Variants in PDE10A observed in about 807,000 individuals in gnomAD.
The protein encoded by PDE10A is cAMP and cAMP-inhibited cGMP 3',5'-cyclic phosphodiesterase 10A.
Under a neutral mutation model 97.7 loss-of-function variants are expected in PDE10A, and 39 were observed. That is an observed-to-expected ratio of 0.40 (90% CI 0.31 to 0.52). PDE10A has a LOEUF of 0.52. Ranked by LOEUF, PDE10A falls within the 20% of genes least tolerant of loss-of-function variation. The pLI, the probability that PDE10A is intolerant of heterozygous loss-of-function variation, is 0.56. For synonymous variants in PDE10A, 371 were observed against 376.8 expected (o/e 0.98, Z 0.18); for missense variants, 731 against 1,047.8 (o/e 0.70, Z 4.17).
chr6:165,418,792 C>A lies in PDE10A; in HGVS notation c.1654-15G>T. The A allele has an allele frequency of 6.2e-7, 1 of 1,607,944 alleles. No individual in the cohort carries two copies. The highest frequency in any genetic ancestry group is 1.1e-5 in the South Asian group (1 of 90,532). ...TTTGCATATATCTAAAGACAAATGA[C>A]AAAATAAGAGGAAGACAATGAGACA... On this transcript the variant is annotated splice_polypyrimidine_tract_variant and intron_variant, in intron 10 of 21. Coordinates refer to ENST00000539869, the MANE Select transcript of PDE10A (RefSeq NM_001385079.1). This position sits in a 1 kb window ranked among gnomAD's most constrained non-coding sequence, Gnocchi z 4.8.
intron 1 of PDE10A, among the ~76,000 whole-genome samples, chr6:165,750,833 G>T (rs560648379): frequency 6.6e-6 from 1 of 152,274 alleles, no homozygotes. Flanking sequence ...TGAGGAGCAT[G>T]GAGAAACAGA....
chr6:165,335,994 C>A, intron 21 of PDE10A, 129 bp downstream of exon 21: 1 of 764,232 alleles, frequency 1.3e-6, no homozygotes. Context: ...GGCCCCGAGT[C>A]CCTGAGCACA....
At chr6:165,657,291 T>C (rs1449259242) in intron 1 of PDE10A, among the ~76,000 whole-genome samples, 1 of 152,236 alleles carries the variant, frequency 6.6e-6, no homozygotes, top group Non-Finnish European at 1.5e-5. Flanking sequence ...AGATTATGAG[T>C]TCCTCTGTCA....
chr6:165,466,740 C>T (rs542118013), intron 3 of PDE10A, among the ~76,000 whole-genome samples: 5 of 152,076 alleles, frequency 3.3e-5, no homozygotes, highest in African/African-American at 1.2e-4. Context: ...AATCCTGAGA[C>T]AAAACAATGT....
intron 1 of PDE10A, among the ~76,000 whole-genome samples, chr6:165,736,128 A>G (rs1792568963): frequency 2.0e-5 from 3 of 152,222 alleles, no homozygotes; most frequent in South Asian, 4.1e-4. Flanking sequence ...GATGTTCTTT[A>G]GTTACATAGA....
At chr6:165,491,780 C>CTTT (rs1421159249) in intron 2 of PDE10A, among the ~76,000 whole-genome samples, 10 of 151,924 alleles carry the variant, frequency 6.6e-5, no homozygotes, top group African/African-American at 2.4e-4. Context: ...GGTAGACAAT[C>CTTT]TAAGGTCACA....
intron 1 of PDE10A, among the ~76,000 whole-genome samples, chr6:165,620,330 G>A (rs780583836): frequency 5.3e-5 from 8 of 152,246 alleles, no homozygotes; most frequent in Admixed American, 6.5e-5. Flanking sequence ...GGTGATGATG[G>A]GGGGGTAGAA....
chr6:165,652,810 C>G lies in PDE10A; in HGVS notation c.865+9137G>C, dbSNP rs112091863. Among the ~76,000 whole-genome samples the G allele has an allele frequency of 7.5e-3, 1,145 of 152,342 alleles. 15 individuals are homozygous for G. Among genetic ancestry groups the G allele is most frequent in the African/African-American group, 0.026 (1,087 of 41,580 alleles). On this transcript the variant is annotated intron_variant, in intron 1 of 21. Transcript: ENST00000539869. ...TTCAAACACGTCAGCCCTTCATAAG[C>G]AACACTTTCACTTTGCTGTGTAGAA... is the stretch of plus-strand genomic sequence containing the variant.
chr6:165,496,422 A>C (rs1173027838), intron 2 of PDE10A, among the ~76,000 whole-genome samples: 1 of 152,160 alleles, frequency 6.6e-6, no homozygotes, highest in Non-Finnish European at 1.5e-5. Flanking sequence ...CCAACCATAC[A>C]TGGGTTTCTT....
chr6:165,877,283 G>T (rs867007972), intron 1 of PDE10A, among the ~76,000 whole-genome samples: 2 of 151,976 alleles, frequency 1.3e-5, no homozygotes, highest in African/African-American at 4.8e-5. Flanking sequence ...TGATGCATTC[G>T]GACACCATAG....
At chr6:165,381,770 C>T (rs1249619544) in intron 17 of PDE10A, among the ~76,000 whole-genome samples, 8 of 151,812 alleles carry the variant, frequency 5.3e-5, no homozygotes, top group African/African-American at 1.5e-4. Flanking sequence ...CGTGAGCCAC[C>T]GCGCCCGGCC....
intron 1 of PDE10A, among the ~76,000 whole-genome samples, chr6:165,729,726 A>G (rs1241523651): frequency 1.4e-5 from 2 of 147,964 alleles, no homozygotes; most frequent in African/African-American, 5.4e-5. Context: ...GCAAGCTTTG[A>G]AAGTCCTTGT....
chr6:165,927,418 A>G (rs994378000), intron 1 of PDE10A, among the ~76,000 whole-genome samples: 22 of 152,058 alleles, frequency 1.4e-4, no homozygotes, highest in African/African-American at 5.3e-4. Flanking sequence ...ATATGGAAAG[A>G]TAATCACAAT....
At chr6:165,728,856 A>G (rs1230177835) in intron 1 of PDE10A, among the ~76,000 whole-genome samples, 1 of 152,126 alleles carries the variant, frequency 6.6e-6, no homozygotes, top group Non-Finnish European at 1.5e-5. Context: ...TCAGTTTTTG[A>G]GACTTTGCTT....
intron 1 of PDE10A, among the ~76,000 whole-genome samples, chr6:165,776,914 G>A (rs1215414391): frequency 2.0e-5 from 3 of 152,198 alleles, no homozygotes; most frequent in Non-Finnish European, 4.4e-5. Flanking sequence ...CTGCTTTCCA[G>A]GAAGCTTTTC....
intron 1 of PDE10A, chr6:165,775,320 A>G (rs1345546487): frequency 6.6e-6 from 1 of 152,220 alleles, no homozygotes; most frequent in African/African-American, 2.4e-5. Context: ...TAACCTCTTC[A>G]GAATAATTGA....
chr6:165,677,613 C>T (rs948546985), intron 1 of PDE10A, among the ~76,000 whole-genome samples: 4 of 152,092 alleles, frequency 2.6e-5, no homozygotes, highest in African/African-American at 7.2e-5. Flanking sequence ...TTAAAGTATA[C>T]AGGAGGATGT....
At chr6:165,626,192 A>G (rs749174804) in intron 1 of PDE10A, among the ~76,000 whole-genome samples, 1 of 152,244 alleles carries the variant, frequency 6.6e-6, no homozygotes, top group Non-Finnish European at 1.5e-5. Context: ...TCTCCCTCGC[A>G]TAAGAAAGTC....
At chr6:165,626,688 C>T (rs982152555) in intron 1 of PDE10A, among the ~76,000 whole-genome samples, 2 of 151,666 alleles carry the variant, frequency 1.3e-5, no homozygotes, top group South Asian at 2.1e-4. Flanking sequence ...AGGCACTTTG[C>T]GATTTCCCTC....
Sources: allele counts gnomAD v4.1 joint callset (sites outside exome capture counted in the v4.1 genomes callset), GRCh38; gene constraint gnomAD v4.1.1; non-coding constraint Gnocchi (gnomAD v3.1); transcripts MANE v1.5; gene names NCBI Gene and HGNC (gene_info 2026-07-23, HGNC 2026-07-21).